The following HIVEP2 variants were observed in gnomAD, a reference collection of about 807,000 sequenced individuals.
The protein encoded by HIVEP2 is HIVEP zinc finger 2.
In HIVEP2, 14 loss-of-function variants were observed where a neutral mutation model predicts 180.7. The ratio of observed to expected loss-of-function variants is 0.08; its 90% CI spans 0.05 to 0.12. The LOEUF is 0.12. Among genes scored for constraint, HIVEP2 ranks in the 10% least tolerant of loss-of-function variants. The probability of loss-of-function intolerance (pLI) is 1.00; values close to 1 mark genes in which losing one functional copy is unlikely to be tolerated. For synonymous variants in HIVEP2, 1,184 were observed against 1,136.4 expected, an observed-to-expected ratio of 1.04 and a Z score of -0.84; for missense variants, 2,579 against 3,008.5, an observed-to-expected ratio of 0.86 and a Z score of 3.34.
intron 9 of HIVEP2, among the ~76,000 whole-genome samples, chr6:142,757,747 A>T (rs554474489): frequency 2.6e-5 from 4 of 152,332 alleles, no homozygotes; most frequent in Non-Finnish European, 5.9e-5. Context: ...CTCAGTGACT[A>T]CTAAAACTCA....
At chr6:142,829,353 GT>G (rs956568483) in intron 2 of HIVEP2, among the ~76,000 whole-genome samples, 1 of 151,924 alleles carries the variant, frequency 6.6e-6, no homozygotes, top group Non-Finnish European at 1.5e-5. Context: ...CTTTACGTAG[GT>G]GAATATCATT....
intron 1 of HIVEP2, among the ~76,000 whole-genome samples, chr6:142,855,504 C>T (rs1301933607): frequency 6.6e-6 from 1 of 152,152 alleles, no homozygotes; most frequent in Admixed American, 6.5e-5. Flanking sequence ...CAAACAAAAA[C>T]AAAATGGGCA....
chr6:142,871,708 C>T (rs1776294103), intron 1 of HIVEP2, among the ~76,000 whole-genome samples: 2 of 152,118 alleles, frequency 1.3e-5, no homozygotes, highest in Non-Finnish European at 2.9e-5. Flanking sequence ...TATCTCTCCT[C>T]TCCCTAATTA....
intron 3 of HIVEP2, among the ~76,000 whole-genome samples, chr6:142,777,838 T>C (rs574260827): frequency 6.6e-6 from 1 of 152,282 alleles, no homozygotes; most frequent in Non-Finnish European, 1.5e-5. Flanking sequence ...TTTAAAATGC[T>C]ACCATGCAGA....
chr6:142,861,435 A>T (rs947201037), intron 1 of HIVEP2, among the ~76,000 whole-genome samples: 16 of 152,208 alleles, frequency 1.1e-4, no homozygotes, highest in African/African-American at 3.9e-4. Flanking sequence ...GCTGTGAGGC[A>T]ATAACATTGG....
In HIVEP2 at chr6:142,752,179, A is replaced by C. The variant is rs767374536; in HGVS notation, c.*928T>G. On this transcript the variant is annotated 3_prime_UTR_variant, in exon 10 of 10. Transcript: ENST00000367603. ...CAACTGAGTTACATAAAATTGTACC[A>C]GTGATGCACTTGTACATATTTACAT... 2.0e-5 allele frequency: 3 copies of C among 152,668 alleles called. No homozygotes were observed. Among genetic ancestry groups the C allele is most frequent in the Non-Finnish European group, 2.9e-5 (2 of 68,036 alleles). The allele number at this position is 152,668 out of a possible 1,614,324, so 9.5% of individuals were successfully genotyped here.
At chr6:142,940,549 G>A (rs186720124) in intron 1 of HIVEP2, among the ~76,000 whole-genome samples, 1 of 152,298 alleles carries the variant, frequency 6.6e-6, no homozygotes, top group East Asian at 1.9e-4. Flanking sequence ...CATATGTCAG[G>A]TTGGATAATC....
At chr6:142,756,295 G>A (rs1775066965) in intron 9 of HIVEP2, among the ~76,000 whole-genome samples, 1 of 152,174 alleles carries the variant, frequency 6.6e-6, no homozygotes, top group Non-Finnish European at 1.5e-5. Context: ...AGAAGGAGAA[G>A]TGACCCATTT....
At position 142,769,748 on chromosome 6, in the gene HIVEP2, G is replaced by T; in HGVS notation, c.4991C>A (p.Thr1664Asn). The change falls in exon 5 of 10, where the codon ACC (threonine) becomes AAC (asparagine). Residue 1664 changes from threonine (T) to asparagine (N), a missense_variant. Coordinates refer to ENST00000367603, the MANE Select transcript of HIVEP2 (RefSeq NM_006734.4). ...YTKPNYVQQATFKSSVYASWC... is the reference protein window; with the variant it reads ...YTKPNYVQQANFKSSVYASWC... ...TGAAGCATAAACCGAGGATTTGAAG[G>T]TGGCCTGTTGCACATAATTGGGTTT... 6.2e-7 allele frequency: 1 copy of T among 1,614,214 alleles called. No individual in the cohort carries two copies. Among genetic ancestry groups the T allele is most frequent in the East Asian group, 2.2e-5 (1 of 44,886 alleles).
chr6:142,856,107 T>C (rs1039658439), intron 1 of HIVEP2, among the ~76,000 whole-genome samples: 2 of 152,192 alleles, frequency 1.3e-5, no homozygotes. Context: ...TGACAACGCT[T>C]GACAACCATT....
intron 1 of HIVEP2, among the ~76,000 whole-genome samples, chr6:142,855,350 ACTAATCATT>A (rs1775792281): frequency 6.6e-6 from 1 of 152,220 alleles, no homozygotes; most frequent in African/African-American, 2.4e-5. Context: ...CAGGGAAAGG[ACTAATCATT>A]CCACACTGGC....
intron 1 of HIVEP2, among the ~76,000 whole-genome samples, chr6:142,921,883 T>C (rs984161054): frequency 1.3e-5 from 2 of 152,212 alleles, no homozygotes; most frequent in Non-Finnish European, 2.9e-5. Context: ...TCACCCTAAA[T>C]AGCAAATGAC....
At chr6:142,832,996 G>A (rs967010207) in intron 2 of HIVEP2, among the ~76,000 whole-genome samples, 3 of 152,200 alleles carry the variant, frequency 2.0e-5, no homozygotes, top group African/African-American at 7.2e-5. Flanking sequence ...CTTTATGTCA[G>A]TCATAATAAA....
chr6:142,940,436 A>G (rs539902150), intron 1 of HIVEP2, among the ~76,000 whole-genome samples: 1 of 152,342 alleles, frequency 6.6e-6, no homozygotes, highest in African/African-American at 2.4e-5. Context: ...GGTTCTTCCA[A>G]TTTCAAGGTC....
At chr6:142,913,908 G>A (rs528341053) in intron 1 of HIVEP2, among the ~76,000 whole-genome samples, 1 of 152,232 alleles carries the variant, frequency 6.6e-6, no homozygotes, top group East Asian at 1.9e-4. Context: ...CGGATCACCA[G>A]CAGCAAGTTG....
In HIVEP2 at chr6:142,759,755, A is replaced by G. The variant is rs747648762; in HGVS notation, c.6516+17T>C. The G allele has an allele frequency of 2.5e-6, 4 of 1,569,804 alleles. No individual in the cohort carries two copies. In the South Asian group the frequency reaches 3.6e-5, roughly 14 times the overall value. ...GCTTCCACTTATGTATTAGAAAGAA[A>G]AGTGGATTATACTTACAGGAGGCCC... On this transcript the variant is annotated intron_variant, in intron 9 of 9. Coordinates refer to ENST00000367603, the MANE Select transcript of HIVEP2 (RefSeq NM_006734.4).
At chr6:142,800,431 C>T (rs1776375431) in intron 2 of HIVEP2, among the ~76,000 whole-genome samples, 1 of 152,094 alleles carries the variant, frequency 6.6e-6, no homozygotes, top group African/African-American at 2.4e-5. Context: ...CCTTTCCAAG[C>T]TAATCATCTT....
intron 2 of HIVEP2, among the ~76,000 whole-genome samples, chr6:142,801,285 T>C (rs1776402983): frequency 6.7e-6 from 1 of 149,142 alleles, no homozygotes. Context: ...TTAAGGCAAA[T>C]GTCAGCAGAC....
rs1369261313 is a variant in HIVEP2, at chr6:142,771,561, G to A, written c.3178C>T (p.Pro1060Ser). 13 of 1,614,026 alleles carry A rather than the reference G, an allele frequency of 8.1e-6. No homozygotes were observed. Among genetic ancestry groups the A allele is most frequent in the South Asian group, 2.2e-5 (2 of 91,088 alleles). Residue 1060 changes from proline (P) to serine (S), a missense_variant, in exon 5 of 10, where the codon CCT (proline) becomes TCT (serine). Transcript: ENST00000367603. This position sits in a 1 kb window ranked among gnomAD's most constrained non-coding sequence, Gnocchi z 5.4. Reference protein sequence around the residue: ...SFDYGNLSHAPVSGAAASTVS... With the variant: ...SFDYGNLSHASVSGAAASTVS... The stretch of plus-strand genomic sequence containing the variant: ...GTGGAGGCTGCTGCTCCCGACACAG[G>A]AGCATGGGACAGATTCCCATAATCA...
Sources: gnomAD v4.1 joint callset for allele counts (sites outside exome capture counted in the v4.1 genomes callset) on GRCh38, gnomAD v4.1.1 for gene constraint, Gnocchi (gnomAD v3.1) non-coding constraint, MANE v1.5 for transcripts, NCBI Gene and HGNC (gene_info 2026-07-23, HGNC 2026-07-21) for gene names.